The following RPP30 variants were observed in gnomAD, a reference collection of about 807,000 sequenced individuals.
The protein encoded by RPP30 is ribonuclease P protein subunit p30.
A neutral mutation model predicts 38.6 loss-of-function variants in RPP30; 36 were observed. That is an observed-to-expected ratio of 0.93 (90% CI 0.71 to 1.23). The LOEUF is 1.23. Among genes scored for constraint, RPP30 ranks in the 50% most tolerant of loss-of-function variants. The pLI is 0.00. For synonymous variants in RPP30, 126 were observed against 112.7 expected (o/e 1.12, Z -0.75); for missense variants, 321 against 321.7 (o/e 1.00, Z 0.02).
rs1847130678 is a variant in RPP30, at chr10:90,895,607, C to T, written c.579+124C>T. The T allele has an allele frequency of 1.2e-5, 7 of 605,258 alleles. 1 individual carries two copies. The highest frequency in any genetic ancestry group is 8.4e-5 in the South Asian group (2 of 23,734). 37.5% of individuals were successfully genotyped at this position (605,258 alleles called of 1,614,324 possible). A position where few individuals can be genotyped will look rare whatever the true frequency, so the allele number is the denominator to read the frequency against. On this transcript the variant is annotated intron_variant, in intron 8 of 10. Coordinates refer to ENST00000371703, the MANE Select transcript of RPP30 (RefSeq NM_006413.5). The stretch of plus-strand genomic sequence containing the variant: ...TTTTTTTCTATTTTAACTGCATTTG[C>T]TCATTGTAATTGCTAAATAGTAAAA...
chr10:90,880,781 G>A (rs1005402083), intron 5 of RPP30, among the ~76,000 whole-genome samples: 2 of 152,088 alleles, frequency 1.3e-5, no homozygotes, highest in Non-Finnish European at 2.9e-5. Flanking sequence ...AGTTAAAGGG[G>A]TAAGTAGAAG....
chr10:90,900,986 T>C lies in RPP30; in HGVS notation c.*307T>C, dbSNP rs747234381. ...ATAAAATGTTTCAGGTATTTTTGTT[T>C]CATTTTGTTTTTGAGATAGGGTCTT... On this transcript the variant is annotated 3_prime_UTR_variant, in exon 11 of 11. Coordinates refer to ENST00000371703, the MANE Select transcript of RPP30 (RefSeq NM_006413.5). The C allele has an allele frequency of 1.9e-6, 2 of 1,042,896 alleles. No homozygotes were observed. The highest frequency in any genetic ancestry group is 2.3e-6 in the Non-Finnish European group (2 of 863,046). The allele number at this position is 1,042,896 out of a possible 1,614,324, so 64.6% of individuals were successfully genotyped here. A position where few individuals can be genotyped will look rare whatever the true frequency, so the allele number is the denominator to read the frequency against.
At chr10:90,889,223 C>G (rs910723951) in intron 6 of RPP30, among the ~76,000 whole-genome samples, 3 of 151,846 alleles carry the variant, frequency 2.0e-5, no homozygotes, top group African/African-American at 7.3e-5. Context: ...CTTGCATGTT[C>G]CCTTGGCTTT....
At chr10:90,890,776 C>A in intron 6 of RPP30, among the ~76,000 whole-genome samples, 1 of 151,508 alleles carries the variant, frequency 6.6e-6, no homozygotes, top group Admixed American at 6.6e-5. Context: ...ATGCTTATTC[C>A]CTTAACACAT....
chr10:90,891,001 A>G (rs375739126), intron 6 of RPP30, among the ~76,000 whole-genome samples: 2 of 152,246 alleles, frequency 1.3e-5, no homozygotes, highest in East Asian at 1.9e-4. Context: ...GCTGCAGGAA[A>G]GCAGACATTC....
chr10:90,907,376 T>C (rs1847264641), downstream of RPP30, among the ~76,000 whole-genome samples: 1 of 152,194 alleles, frequency 6.6e-6, no homozygotes, highest in Non-Finnish European at 1.5e-5. Flanking sequence ...GAGATAACAA[T>C]GAAATCCCCA....
chr10:90,905,992 A>C (rs904591903), downstream of RPP30: 1 of 152,254 alleles, frequency 6.6e-6, no homozygotes, highest in African/African-American at 2.4e-5. Flanking sequence ...TAAGTTGTTC[A>C]GTTGAAGTTG....
At chr10:90,895,218 CTT>C (rs943224125) in intron 7 of RPP30, 13 of 493,500 alleles carry the variant, frequency 2.6e-5, no homozygotes, top group Admixed American at 1.2e-4. Context: ...GTTTTTTAAA[CTT>C]AATTCACCTT....
At chr10:90,877,334 G>A (rs576485312) in intron 4 of RPP30, among the ~76,000 whole-genome samples, 3 of 152,110 alleles carry the variant, frequency 2.0e-5, no homozygotes, top group Admixed American at 2.0e-4. Context: ...GCCTTCAGAA[G>A]AGTGATCCCA....
At chr10:90,875,043 C>G (rs535483826) in intron 2 of RPP30, 119 bp downstream of exon 2, 48 of 531,946 alleles carry the variant, frequency 9.0e-5, no homozygotes, top group African/African-American at 9.0e-4. Flanking sequence ...TTGTGCACTA[C>G]TACTTTTCTA....
rs76060029 is a variant in RPP30 at position 90,892,767 on chromosome 10, A to G, written c.433-2008A>G. Among the ~76,000 whole-genome samples the G allele has an allele frequency of 1.6e-3, 242 of 152,326 alleles. 3 individuals are homozygous for G. The East Asian group carries it at 0.039, about 24-fold the overall frequency. ...CAAGGAGATGGCTGATAATATGGCTAAAAGGGATGTTTTTACTTATCTGTG... is the reference window on the plus strand; with the variant it reads ...CAAGGAGATGGCTGATAATATGGCTGAAAGGGATGTTTTTACTTATCTGTG... On this transcript the variant is annotated intron_variant, in intron 6 of 10. Transcript: ENST00000371703.
chr10:90,880,903 C>T (rs2120194029), intron 5 of RPP30, among the ~76,000 whole-genome samples: 1 of 152,298 alleles, frequency 6.6e-6, no homozygotes, highest in East Asian at 1.9e-4. Context: ...TTCTGGGTAT[C>T]TGTTTTTTCA....
chr10:90,885,289 G>C (rs1210824551), intron 5 of RPP30, among the ~76,000 whole-genome samples: 1 of 152,148 alleles, frequency 6.6e-6, no homozygotes, highest in East Asian at 1.9e-4. Context: ...ATTAGTATTT[G>C]AACAAATGTC....
At chr10:90,889,458 C>T (rs920604026) in intron 6 of RPP30, among the ~76,000 whole-genome samples, 3 of 151,680 alleles carry the variant, frequency 2.0e-5, no homozygotes, top group African/African-American at 7.3e-5. Flanking sequence ...TACAGACATC[C>T]GCCACCACAG....
chr10:90,880,492 C>T (rs1846913099), intron 5 of RPP30, among the ~76,000 whole-genome samples: 1 of 152,078 alleles, frequency 6.6e-6, no homozygotes, highest in South Asian at 2.1e-4. Flanking sequence ...CTTTGGGAGG[C>T]CGAGGCAGGT....
chr10:90,903,363 A>C, downstream of RPP30: 1 of 739,844 alleles, frequency 1.4e-6, no homozygotes, highest in Non-Finnish European at 2.3e-6. Context: ...TCCCACCTTA[A>C]TTTATGAATT....
At chr10:90,885,138 G>A (rs996750116) in intron 5 of RPP30, among the ~76,000 whole-genome samples, 3 of 152,016 alleles carry the variant, frequency 2.0e-5, no homozygotes, top group African/African-American at 7.3e-5. Context: ...AAATCTCTTT[G>A]AGAAGAAAAT....
chr10:90,889,843 A>G (rs1044291994), intron 6 of RPP30, among the ~76,000 whole-genome samples: 3 of 152,104 alleles, frequency 2.0e-5, no homozygotes, highest in African/African-American at 7.2e-5. Context: ...CAATTATGCA[A>G]TTTCCTCTAA....
chr10:90,905,364 C>T (rs551555117), downstream of RPP30: 10 of 152,324 alleles, frequency 6.6e-5, no homozygotes, highest in African/African-American at 1.9e-4. Flanking sequence ...TTTGTCTCCT[C>T]TGAGGTTGGC....
Sources: gnomAD v4.1 joint callset for allele counts (sites outside exome capture counted in the v4.1 genomes callset) on GRCh38, gnomAD v4.1.1 for gene constraint, MANE v1.5 for transcripts, NCBI Gene and HGNC (gene_info 2026-07-23, HGNC 2026-07-21) for gene names.